Variants in SHMT1 observed in about 807,000 individuals in gnomAD.
SHMT1 encodes the protein serine hydroxymethyltransferase, cytosolic.
Under a neutral mutation model 49.0 loss-of-function variants are expected in SHMT1, and 45 were observed. That is an observed-to-expected ratio of 0.92 (90% CI 0.72 to 1.18). The LOEUF (loss-of-function observed/expected upper bound fraction) is 1.18. Among genes scored for constraint, SHMT1 ranks in the 50% most tolerant of loss-of-function variants. The pLI is 0.00. For synonymous variants in SHMT1, 232 were observed against 246.6 expected (o/e 0.94, Z 0.55); for missense variants, 541 against 612.4 (o/e 0.88, Z 1.23).
intron 1 of SHMT1, among the ~76,000 whole-genome samples, chr17:18,362,463 G>A (rs1181461318): frequency 6.6e-6 from 1 of 152,100 alleles, no homozygotes; most frequent in East Asian, 1.9e-4. Context: ...TGGGATTATA[G>A]GTGTGTGCCA....
intron 3 of SHMT1, among the ~76,000 whole-genome samples, chr17:18,349,542 A>C (rs955045933): frequency 2.3e-4 from 35 of 151,932 alleles, no homozygotes; most frequent in African/African-American, 8.2e-4. Flanking sequence ...ACATAGTGAG[A>C]TCTCAGCTCT....
At chr17:18,362,338 T>A (rs1453558770) in intron 1 of SHMT1, among the ~76,000 whole-genome samples, 1 of 152,198 alleles carries the variant, frequency 6.6e-6, no homozygotes, top group Non-Finnish European at 1.5e-5. Flanking sequence ...TTCTTTCTTT[T>A]GAGATAGAGT....
In SHMT1 at chr17:18,337,010, G is replaced by A. The variant is rs571217192; in HGVS notation, c.815-1335C>T. On this transcript the variant is annotated intron_variant, in intron 7 of 11. Transcript: ENST00000316694. ...GAGACAACGCTCATGTGGCTAATAT[G>A]AAGAATAAGGTTCCTTTCTGAGAAA... is the stretch of plus-strand genomic sequence containing the variant. Among the ~76,000 whole-genome samples, 3 of 152,286 alleles carry A rather than the reference G, an allele frequency of 2.0e-5. No individual in the cohort carries two copies. The South Asian group carries it at 6.2e-4, about 32-fold the overall frequency.
chr17:18,336,098 G>A (rs958605612), intron 7 of SHMT1, among the ~76,000 whole-genome samples: 18 of 152,188 alleles, frequency 1.2e-4, no homozygotes, highest in Admixed American at 1.2e-3. Context: ...CCAACATGGT[G>A]AAACCCCGTC....
chr17:18,334,707 C>T (rs1983605165), intron 8 of SHMT1, among the ~76,000 whole-genome samples: 1 of 152,142 alleles, frequency 6.6e-6, no homozygotes, highest in African/African-American at 2.4e-5. Flanking sequence ...GGAGAACCCA[C>T]GGGCCTGCAT....
chr17:18,349,517 A>C (rs1985456138), intron 3 of SHMT1, among the ~76,000 whole-genome samples: 1 of 151,884 alleles, frequency 6.6e-6, no homozygotes, highest in Non-Finnish European at 1.5e-5. Flanking sequence ...CCAGGAGTTC[A>C]AGACCAGCTA....
rs541794462 is a variant in SHMT1, at chr17:18,352,291, C to T, written c.242+1381G>A. ...CCTCCCACGTAGCTGGGACTACAGG[C>T]GCCCGCCACCTTGCCAGGCTAATTT... On this transcript the variant is annotated intron_variant, in intron 3 of 11. Coordinates refer to ENST00000316694, the MANE Select transcript of SHMT1 (RefSeq NM_004169.5). Among the ~76,000 whole-genome samples the T allele has an allele frequency of 3.1e-3, 470 of 151,946 alleles. 2 individuals are homozygous for T. The highest frequency in any genetic ancestry group is 3.4e-3 in the Non-Finnish European group (230 of 67,954).
chr17:18,348,482 G>C lies in SHMT1; in HGVS notation c.243-42C>G, dbSNP rs753824409. On this transcript the variant is annotated intron_variant, in intron 3 of 11. Coordinates refer to ENST00000316694, the MANE Select transcript of SHMT1 (RefSeq NM_004169.5). ...GGAGACTTAGATCCACTCAGACCCA[G>C]AAAGTCTGTGCTTCACAGAGGCCAA... is the stretch of plus-strand genomic sequence containing the variant. 4.2e-6 allele frequency: 6 copies of C among 1,428,990 alleles called. No individual in the cohort carries two copies. The South Asian group carries it at 5.7e-5, about 14-fold the overall frequency. 88.5% of individuals were successfully genotyped at this position (1,428,990 alleles called of 1,614,324 possible). A position where few individuals can be genotyped will look rare whatever the true frequency, so the allele number is the denominator to read the frequency against.
chr17:18,329,724 G>A lies in SHMT1; in HGVS notation c.1172-336C>T, dbSNP rs10163522. Among the ~76,000 whole-genome samples, 262 of 152,100 alleles carry A rather than the reference G, an allele frequency of 1.7e-3. 1 individual carries two copies. Among genetic ancestry groups the A allele is most frequent in the African/African-American group, 6.0e-3 (249 of 41,510 alleles). ...GCAGCCTCTGGATTCCGGAGGCCCT[G>A]ACCTCCCTCATCTGATGAATGTACC... On this transcript the variant is annotated intron_variant, in intron 10 of 11. Coordinates refer to ENST00000316694, the MANE Select transcript of SHMT1 (RefSeq NM_004169.5).
chr17:18,341,804 A>G, intron 5 of SHMT1: 1 of 152,288 alleles, frequency 6.6e-6, no homozygotes, highest in Non-Finnish European at 1.5e-5. Flanking sequence ...TTGACAAATT[A>G]TAGTAATTAA....
chr17:18,354,075 G>A (rs947668077), intron 2 of SHMT1, among the ~76,000 whole-genome samples: 4 of 152,186 alleles, frequency 2.6e-5, no homozygotes, highest in African/African-American at 9.7e-5. Context: ...CTGAGGTCAG[G>A]AGTTCTAGAC....
At chr17:18,329,056 A>C (rs1435754751) in intron 11 of SHMT1, 137 bp from the exon 12 acceptor site, 1 of 1,152,116 alleles carries the variant, frequency 8.7e-7, no homozygotes, top group African/African-American at 1.5e-5. Flanking sequence ...TGCTTACCTC[A>C]ATTACTCTGA....
intron 7 of SHMT1, among the ~76,000 whole-genome samples, chr17:18,339,049 T>TTAAA (rs1567776620): frequency 7.4e-5 from 2 of 26,852 alleles, no homozygotes; most frequent in African/African-American, 1.8e-4. Context: ...CAATAAATAC[T>TTAAA]AAAAAAAAAA....
intron 9 of SHMT1, chr17:18,331,387 G>A (rs918706440): frequency 5.1e-5 from 8 of 158,062 alleles, no homozygotes; most frequent in African/African-American, 1.7e-4. Flanking sequence ...TGTGGCTTTA[G>A]GCAGGCAGCT....
At chr17:18,337,496 TG>T (rs573564844) in intron 7 of SHMT1, among the ~76,000 whole-genome samples, 43 of 152,230 alleles carry the variant, frequency 2.8e-4, no homozygotes, top group African/African-American at 1.0e-3. Context: ...AGCCAGGGGC[TG>T]GGCAAGAAGA....
At chr17:18,329,937 A>G (rs1025517918) in intron 10 of SHMT1, among the ~76,000 whole-genome samples, 5 of 151,896 alleles carry the variant, frequency 3.3e-5, no homozygotes, top group African/African-American at 1.2e-4. Context: ...TCTCGGCTCA[A>G]TGCAGCCTCT....
chr17:18,339,561 C>CTTTCT (rs1174433812), intron 7 of SHMT1, among the ~76,000 whole-genome samples: 1 of 151,052 alleles, frequency 6.6e-6, no homozygotes, highest in Non-Finnish European at 1.5e-5. Context: ...TCCTTTCTTT[C>CTTTCT]TTTCTTTTTT....
intron 11 of SHMT1, 72 bp from the exon 12 acceptor site, chr17:18,328,991 C>T: frequency 1.3e-6 from 2 of 1,579,042 alleles, no homozygotes; most frequent in South Asian, 2.2e-5. Flanking sequence ...GGGGCCGAGG[C>T]ACAAATGTCA....
At chr17:18,356,856 C>T (rs9907815) in intron 1 of SHMT1, among the ~76,000 whole-genome samples, 14 of 152,136 alleles carry the variant, frequency 9.2e-5, no homozygotes, top group African/African-American at 3.1e-4. Flanking sequence ...GGGAGCCCAA[C>T]TCCGCCTCCT....
Sources: allele counts gnomAD v4.1 joint callset (sites outside exome capture counted in the v4.1 genomes callset), GRCh38; gene constraint gnomAD v4.1.1; transcripts MANE v1.5; gene names NCBI Gene and HGNC (gene_info 2026-07-23, HGNC 2026-07-21).